HSD17B4: variants seen among roughly 807,000 people sequenced by gnomAD.
The protein encoded by HSD17B4 is peroxisomal multifunctional enzyme type 2.
Under a neutral mutation model 101.0 loss-of-function variants are expected in HSD17B4, and 70 were observed. That is an observed-to-expected ratio of 0.69 (90% CI 0.57 to 0.85). The LOEUF is 0.85. HSD17B4 is among the 40% of genes least tolerant of loss of function. HSD17B4 has a pLI of 0.00. For synonymous variants in HSD17B4, 347 were observed against 297.1 expected (o/e 1.17, Z -1.73); for missense variants, 984 against 892.4 (o/e 1.10, Z -1.31).
chr5:119,503,848 T>C (rs947113385), intron 14 of HSD17B4, among the ~76,000 whole-genome samples: 7 of 152,120 alleles, frequency 4.6e-5, no homozygotes, highest in African/African-American at 1.7e-4. Context: ...GTGGGTGTAT[T>C]GTGTGATGCT....
intron 21 of HSD17B4, 61 bp from the exon 22 acceptor site, chr5:119,531,205 C>G (rs1346748130): frequency 6.5e-7 from 1 of 1,548,618 alleles, no homozygotes; most frequent in Non-Finnish European, 8.9e-7. Context: ...GTTTTATAAT[C>G]ACTTTTCTCC....
intron 7 of HSD17B4, chr5:119,477,735 A>T: frequency 2.0e-6 from 1 of 493,332 alleles, no homozygotes; most frequent in Non-Finnish European, 3.7e-6. Context: ...GTTATTAAAG[A>T]TTTTCTTGCT....
chr5:119,540,845 C>T (rs1187326768), intron 23 of HSD17B4, among the ~76,000 whole-genome samples: 1 of 152,202 alleles, frequency 6.6e-6, no homozygotes, highest in African/African-American at 2.4e-5. Context: ...GCTCTGTAGA[C>T]TTGAGCAGGT....
intron 8 of HSD17B4, among the ~76,000 whole-genome samples, chr5:119,479,420 C>T (rs1360988646): frequency 6.6e-6 from 1 of 152,130 alleles, no homozygotes; most frequent in Non-Finnish European, 1.5e-5. Context: ...CTGTTATTAA[C>T]ATCTTTGGTC....
intron 12 of HSD17B4, 110 bp downstream of exon 12, chr5:119,496,756 G>T: frequency 3.8e-6 from 3 of 780,742 alleles, no homozygotes; most frequent in South Asian, 1.4e-5. Context: ...TTTGGATGCA[G>T]TTACTTTCTT....
At chr5:119,502,358 C>A (rs560864294) in intron 14 of HSD17B4, among the ~76,000 whole-genome samples, 26 of 152,146 alleles carry the variant, frequency 1.7e-4, no homozygotes, top group African/African-American at 6.0e-4. Context: ...AAGGAACGTT[C>A]GTGTATGTGC....
At chr5:119,541,051 T>C (rs1754947559) in intron 23 of HSD17B4, among the ~76,000 whole-genome samples, 1 of 152,224 alleles carries the variant, frequency 6.6e-6, no homozygotes, top group African/African-American at 2.4e-5. Context: ...TCACTTCATA[T>C]TTTATGTAAG....
At chr5:119,518,060 A>C (rs1390970388) in intron 17 of HSD17B4, among the ~76,000 whole-genome samples, 1 of 152,142 alleles carries the variant, frequency 6.6e-6, no homozygotes, top group Non-Finnish European at 1.5e-5. Context: ...GCCAGATAAG[A>C]GAATAAAAGC....
chr5:119,508,120 C>A (rs886649797), intron 15 of HSD17B4, among the ~76,000 whole-genome samples: 1 of 151,174 alleles, frequency 6.6e-6, no homozygotes, highest in Admixed American at 6.6e-5. Context: ...CTTCCTTTCT[C>A]TTCTCTTTTT....
rs535781631 is a variant in HSD17B4, at chr5:119,458,345, A to AT, written c.112+1993dup. ...TTTCCAAGTTGCATCACACACACTA[A>AT]TTTTTTTTTTTTTTTTGAGATGGAG... On this transcript the variant is annotated intron_variant, in intron 2 of 23. Transcript: ENST00000510025. Among the ~76,000 whole-genome samples the AT allele has an allele frequency of 7.0e-3, 989 of 140,456 alleles. 10 individuals carry two copies. Among genetic ancestry groups the AT allele is most frequent in the South Asian group, 0.049 (215 of 4,376 alleles). 92.1% of individuals were successfully genotyped at this position (140,456 alleles called of 152,430 possible).
chr5:119,501,603 C>T (rs1298490879), intron 13 of HSD17B4, among the ~76,000 whole-genome samples: 1 of 152,056 alleles, frequency 6.6e-6, no homozygotes, highest in Non-Finnish European at 1.5e-5. Flanking sequence ...TAAGGTTTTT[C>T]TTTGTGTTTT....
intron 21 of HSD17B4, 114 bp from the exon 22 acceptor site, chr5:119,531,152 C>T: frequency 1.0e-6 from 1 of 1,000,456 alleles, no homozygotes. Flanking sequence ...ATGAAGAAAA[C>T]TGACTTATGT....
chr5:119,456,411 G>A lies in HSD17B4; in HGVS notation c.112+43G>A, dbSNP rs34085452. ...TCTTTTTAATCTGTAGCTGATAACTGAAATACAATCTTTACAAGCTATCTT... is the reference window on the plus strand; with the variant it reads ...TCTTTTTAATCTGTAGCTGATAACTAAAATACAATCTTTACAAGCTATCTT... On this transcript the variant is annotated intron_variant, in intron 2 of 23. Transcript: ENST00000510025. 6 of 1,111,652 alleles carry A rather than the reference G, an allele frequency of 5.4e-6. No homozygotes were observed. In the East Asian group the frequency reaches 9.4e-5, roughly 17 times the overall value. 68.9% of individuals were successfully genotyped at this position (1,111,652 alleles called of 1,614,324 possible). A position where few individuals can be genotyped will look rare whatever the true frequency, so the allele number is the denominator to read the frequency against.
intron 14 of HSD17B4, among the ~76,000 whole-genome samples, chr5:119,506,064 T>A (rs13436186): frequency 0.047 from 7,158 of 152,230 alleles, 602 homozygotes; most frequent in East Asian, 0.42. Flanking sequence ...ATGTGCACAA[T>A]GTGCAGTTTT....
intron 8 of HSD17B4, among the ~76,000 whole-genome samples, chr5:119,482,084 C>T (rs1749192319): frequency 6.6e-6 from 1 of 152,046 alleles, no homozygotes; most frequent in African/African-American, 2.4e-5. Flanking sequence ...GCCATCACTC[C>T]TTCAAATACT....
rs57252147 is a variant in HSD17B4 at position 119,463,655 on chromosome 5, C to CTTTTTTTTTT, written c.112+7308_112+7317dup. 8.4e-4 allele frequency among the ~76,000 whole-genome samples: 25 copies of CTTTTTTTTTT among 29,700 alleles called. 1 individual carries two copies. The highest frequency in any genetic ancestry group is 2.1e-3 in the East Asian group (1 of 474). The allele number at this position is 29,700 out of a possible 152,430, so 19.5% of individuals were successfully genotyped here. ...ATATACTTCTTGGCCATTTATATGT[C>CTTTTTTTTTT]TTTTTTTTTTTTTTTTTTTTTTTTT... On this transcript the variant is annotated intron_variant, in intron 2 of 23. Transcript: ENST00000510025.
chr5:119,468,365 A>G (rs2126660543), intron 2 of HSD17B4, among the ~76,000 whole-genome samples: 1 of 150,622 alleles, frequency 6.6e-6, no homozygotes, highest in South Asian at 2.1e-4. Context: ...TTATTTCTGA[A>G]GGATAGCTTG....
intron 16 of HSD17B4, among the ~76,000 whole-genome samples, chr5:119,512,276 AG>A (rs1752245010): frequency 6.6e-6 from 1 of 152,186 alleles, no homozygotes; most frequent in African/African-American, 2.4e-5. Context: ...AGACAGAGAA[AG>A]GAACAGAAAA....
At chr5:119,476,469 G>T in intron 6 of HSD17B4, 1 of 673,864 alleles carries the variant, frequency 1.5e-6, no homozygotes, top group Non-Finnish European at 1.8e-6. Flanking sequence ...GAACAGTGGT[G>T]GCTGAGACAG....
Sources: allele counts gnomAD v4.1 joint callset (sites outside exome capture counted in the v4.1 genomes callset), GRCh38; gene constraint gnomAD v4.1.1; transcripts MANE v1.5; gene names NCBI Gene and HGNC (gene_info 2026-07-23, HGNC 2026-07-21).